ENPEP: variants seen among roughly 807,000 people sequenced by gnomAD.
The protein encoded by ENPEP is AP-A.
In ENPEP, 103 loss-of-function variants were observed where a neutral mutation model predicts 114.5. That is an observed-to-expected ratio of 0.90 (90% CI 0.77 to 1.06). The LOEUF is 1.06. ENPEP is among the 50% of genes least tolerant of loss of function. ENPEP has a pLI of 0.00. For missense variants in ENPEP, 1,196 were observed against 1,161.3 expected (o/e 1.03, Z -0.43); for synonymous variants, 420 against 422.0 (o/e 1.00, Z 0.06).
In ENPEP at chr4:110,548,338, G is replaced by C; in HGVS notation, c.2151+12G>C. ...ATCCTATGATTGAGGTGACGTTAAT[G>C]CTATGGTATCTTATGAAAGTAAATG... On this transcript the variant is annotated intron_variant, in intron 14 of 19. Coordinates refer to ENST00000265162, the MANE Select transcript of ENPEP (RefSeq NM_001977.4). The C allele has an allele frequency of 6.5e-7, 1 of 1,539,118 alleles. No individual in the cohort carries two copies. The highest frequency in any genetic ancestry group is 8.7e-7 in the Non-Finnish European group (1 of 1,144,980).
At chr4:110,528,643 G>A (rs1726289368) in intron 10 of ENPEP, among the ~76,000 whole-genome samples, 1 of 152,142 alleles carries the variant, frequency 6.6e-6, no homozygotes. Context: ...TTAGAAATGA[G>A]CCAGTTTCAC....
At position 110,543,442 on chromosome 4, in the gene ENPEP, C is replaced by G. The variant is rs533440253; in HGVS notation, c.2000+372C>G. On this transcript the variant is annotated intron_variant, in intron 13 of 19. Transcript: ENST00000265162. ...TTTTATTAATTCAGTTCTGTGAGCCCGAGCCCAGTGTAAGATTTTATGGCT... is the reference window on the plus strand; with the variant it reads ...TTTTATTAATTCAGTTCTGTGAGCCGGAGCCCAGTGTAAGATTTTATGGCT... Among the ~76,000 whole-genome samples the G allele has an allele frequency of 8.6e-5, 13 of 152,044 alleles. No homozygotes were observed. The East Asian group carries it at 2.5e-3, about 29-fold the overall frequency.
rs749702555 is a variant in ENPEP at position 110,519,992 on chromosome 4, TA to T, written c.1510-15del. On this transcript the variant is annotated splice_polypyrimidine_tract_variant and intron_variant, in intron 8 of 19. Coordinates refer to ENST00000265162, the MANE Select transcript of ENPEP (RefSeq NM_001977.4). ...AAACATTGACTTCTAACATGCTGATTATTTTTTACACACAGATGTACTTGGA... is the reference window on the plus strand; with the variant it reads ...AAACATTGACTTCTAACATGCTGATTTTTTTTACACACAGATGTACTTGGA... 6.2e-7 allele frequency: 1 copy of T among 1,609,500 alleles called. No individual in the cohort carries two copies. The highest frequency in any genetic ancestry group is 1.1e-5 in the South Asian group (1 of 90,110).
At chr4:110,556,603 A>C (rs1339849546) in intron 18 of ENPEP, among the ~76,000 whole-genome samples, 1 of 151,918 alleles carries the variant, frequency 6.6e-6, no homozygotes, top group Non-Finnish European at 1.5e-5. Context: ...TGTTTTTTTT[A>C]ATGTCCTTGA....
At chr4:110,540,297 A>C (rs538803461) in intron 11 of ENPEP, among the ~76,000 whole-genome samples, 3 of 151,804 alleles carry the variant, frequency 2.0e-5, no homozygotes, top group African/African-American at 4.8e-5. Context: ...TAGAAGATAC[A>C]CACACACACA....
rs1560570465 is a variant in ENPEP, at chr4:110,549,902, AT to A, written c.2501+19del. ...TTTTGTCAAGGTAAGTTGGGCTTTTATTTCACATATATAAATAGTATTTAAT... is the reference window on the plus strand; with the variant it reads ...TTTTGTCAAGGTAAGTTGGGCTTTTATTCACATATATAAATAGTATTTAAT... On this transcript the variant is annotated intron_variant, in intron 17 of 19. Transcript: ENST00000265162. 6.3e-7 allele frequency: 1 copy of A among 1,593,432 alleles called. No individual in the cohort carries two copies. The highest frequency in any genetic ancestry group is 1.8e-5 in the Admixed American group (1 of 56,776).
rs1020565717 is a variant in ENPEP at position 110,543,110 on chromosome 4, G to C, written c.2000+40G>C. On this transcript the variant is annotated intron_variant, in intron 13 of 19. Coordinates refer to ENST00000265162, the MANE Select transcript of ENPEP (RefSeq NM_001977.4). ...GAGACTAAATTACTTAAAATACTGT[G>C]GGTTTTCTCATAAATCTTTTAAAAA... 12 of 1,552,476 alleles carry C rather than the reference G, an allele frequency of 7.7e-6. No individual in the cohort carries two copies. In the African/African-American group the frequency reaches 1.5e-4, roughly 19 times the overall value.
intron 2 of ENPEP, among the ~76,000 whole-genome samples, chr4:110,490,746 T>C (rs1446029419): frequency 6.6e-6 from 1 of 152,186 alleles, no homozygotes; most frequent in Non-Finnish European, 1.5e-5. Flanking sequence ...GCATGATGTG[T>C]TTAGTGTAGA....
At chr4:110,514,394 C>T (rs1050929074) in intron 7 of ENPEP, among the ~76,000 whole-genome samples, 1 of 151,690 alleles carries the variant, frequency 6.6e-6, no homozygotes, top group African/African-American at 2.4e-5. Flanking sequence ...TTTGACTTTC[C>T]CTCTCATATG....
intron 1 of ENPEP, among the ~76,000 whole-genome samples, chr4:110,486,203 G>T (rs1724494255): frequency 6.6e-6 from 1 of 152,166 alleles, no homozygotes. Context: ...CTCAGAGATT[G>T]TTAATTTGTT....
chr4:110,477,813 T>A (rs1724170279), intron 1 of ENPEP, among the ~76,000 whole-genome samples: 1 of 152,210 alleles, frequency 6.6e-6, no homozygotes, highest in Non-Finnish European at 1.5e-5. Context: ...CAAATATTTG[T>A]ATACAAATAT....
At chr4:110,489,659 C>T (rs1329442254) in intron 2 of ENPEP, among the ~76,000 whole-genome samples, 1 of 152,120 alleles carries the variant, frequency 6.6e-6, no homozygotes, top group African/African-American at 2.4e-5. Flanking sequence ...ACATAAAACA[C>T]TTCTCTCTGT....
Position 110,476,170 on chromosome 4 carries a change from C to G in ENPEP, c.-245C>G, listed in dbSNP as rs569488927. On this transcript the variant is annotated 5_prime_UTR_variant, in exon 1 of 20. Coordinates refer to ENST00000265162, the MANE Select transcript of ENPEP (RefSeq NM_001977.4). Reference sequence around the variant, plus strand: ...CAATCTTCTTGCCAGCCCTCTTCCTCCCACTCGGCTCCTCTTACGGAGTCC... The same window carrying G: ...CAATCTTCTTGCCAGCCCTCTTCCTGCCACTCGGCTCCTCTTACGGAGTCC... 2.3e-6 allele frequency: 1 copy of G among 439,038 alleles called. No homozygotes were observed. Among genetic ancestry groups the G allele is most frequent in the East Asian group, 3.5e-5 (1 of 28,878 alleles). The allele number at this position is 439,038 out of a possible 1,614,324, so 27.2% of individuals were successfully genotyped here.
In ENPEP at chr4:110,563,958, AAAC is replaced by A. The variant is rs371952958; in HGVS notation, c.*2405_*2407del. ...TGGTGAAGTGTTAGTCCAAAAGTAG[AAAC>A]AACAGAGTAGGGGCAAAAATCTAGA... On this transcript the variant is annotated 3_prime_UTR_variant, in exon 20 of 20. Coordinates refer to ENST00000265162, the MANE Select transcript of ENPEP (RefSeq NM_001977.4). 264 of 152,322 alleles carry A rather than the reference AAAC, an allele frequency of 1.7e-3. 2 individuals are homozygous for A. The highest frequency in any genetic ancestry group is 6.2e-3 in the African/African-American group (259 of 41,572). 9.4% of individuals were successfully genotyped at this position (152,322 alleles called of 1,614,324 possible).
intron 10 of ENPEP, among the ~76,000 whole-genome samples, chr4:110,528,400 T>C (rs1256414325): frequency 1.3e-5 from 2 of 152,148 alleles, no homozygotes; most frequent in Non-Finnish European, 2.9e-5. Flanking sequence ...ATAAAGGAAT[T>C]AGCTTTTTTT....
intron 18 of ENPEP, among the ~76,000 whole-genome samples, chr4:110,555,249 A>G (rs1231209509): frequency 3.9e-5 from 6 of 152,020 alleles, no homozygotes; most frequent in Non-Finnish European, 8.8e-5. Flanking sequence ...TGTCTAATAC[A>G]CACAAACACC....
chr4:110,526,254 T>C (rs919330756), intron 10 of ENPEP, among the ~76,000 whole-genome samples: 6 of 152,050 alleles, frequency 3.9e-5, no homozygotes, highest in Non-Finnish European at 8.8e-5. Flanking sequence ...CCAGCCTGGG[T>C]GATAGAGTGA....
At chr4:110,558,288 AT>A (rs1385930900) in intron 18 of ENPEP, among the ~76,000 whole-genome samples, 7 of 146,954 alleles carry the variant, frequency 4.8e-5, no homozygotes, top group Admixed American at 1.4e-4. Flanking sequence ...ATATATATAT[AT>A]ATATAAATTT....
rs764463914 is a variant in ENPEP, at chr4:110,476,779, C to T, written c.365C>T (p.Ser122Phe). 3.1e-6 allele frequency: 5 copies of T among 1,614,206 alleles called. No individual in the cohort carries two copies. The Admixed American group carries it at 5.0e-5, about 16-fold the overall frequency. The change falls in exon 1 of 20, where the codon TCC becomes TTC. Residue 122 changes from serine (S) to phenylalanine (F), a missense_variant. Transcript: ENST00000265162. ...EDTYTGTVSI[S>F]INLSAPTRYL... ...ACCTACACGGGCACCGTGAGCATCTCCATCAACCTGAGCGCTCCCACCCGG... is the reference window on the plus strand; with the variant it reads ...ACCTACACGGGCACCGTGAGCATCTTCATCAACCTGAGCGCTCCCACCCGG...
Sources: gnomAD v4.1 joint callset for allele counts (sites outside exome capture counted in the v4.1 genomes callset) on GRCh38, gnomAD v4.1.1 for gene constraint, MANE v1.5 for transcripts, NCBI Gene and HGNC (gene_info 2026-07-23, HGNC 2026-07-21) for gene names.